Variants in RGS17 observed in about 807,000 individuals in gnomAD.
The protein encoded by RGS17 is regulator of G protein signaling 17.
A neutral mutation model predicts 25.5 loss-of-function variants in RGS17; 12 were observed. The observed-to-expected ratio is 0.47, with a 90% confidence interval of 0.30 to 0.76. The LOEUF is 0.76. Among genes scored for constraint, RGS17 ranks in the 30% least tolerant of loss-of-function variants. The pLI, the probability that RGS17 is intolerant of heterozygous loss-of-function variation, is 0.07. For synonymous variants in RGS17, 71 were observed against 76.9 expected (o/e 0.92, Z 0.40); for missense variants, 196 against 242.2 (o/e 0.81, Z 1.27).
chr6:153,103,937 A>G (rs1435024263), intron 1 of RGS17, among the ~76,000 whole-genome samples: 1 of 152,262 alleles, frequency 6.6e-6, no homozygotes, highest in South Asian at 2.1e-4. Flanking sequence ...TGAAGAGGAT[A>G]CCACATCTTA....
chr6:153,085,268 T>C lies in RGS17; in HGVS notation c.-25-41225A>G, dbSNP rs118022313. ...GCTATAACTAACGTAAATGTAATCA[T>C]TGCATAAATTTGAATTATAGCTCTT... On this transcript the variant is annotated intron_variant, in intron 1 of 4. Coordinates refer to ENST00000206262, the MANE Select transcript of RGS17 (RefSeq NM_012419.5). Among the ~76,000 whole-genome samples the C allele has an allele frequency of 6.1e-4, 93 of 152,338 alleles. 1 individual carries two copies. In the East Asian group the frequency reaches 0.018, roughly 29 times the overall value.
chr6:153,078,852 T>G (rs2129118766), intron 1 of RGS17, among the ~76,000 whole-genome samples: 1 of 152,188 alleles, frequency 6.6e-6, no homozygotes, highest in East Asian at 1.9e-4. Context: ...AGTCATTCAT[T>G]GCCAGCATAC....
rs908250720 is a variant in RGS17 at position 153,010,961 on chromosome 6, C to A, written c.*613G>T. ...AAAATGCCACAGTTTTGGCAGTGAACAACCAGAGGAATCCCCATTAGGATT... is the reference window on the plus strand; with the variant it reads ...AAAATGCCACAGTTTTGGCAGTGAAAAACCAGAGGAATCCCCATTAGGATT... On this transcript the variant is annotated 3_prime_UTR_variant, in exon 5 of 5. Coordinates refer to ENST00000206262, the MANE Select transcript of RGS17 (RefSeq NM_012419.5). 3.4e-5 allele frequency: 5 copies of A among 148,810 alleles called. No homozygotes were observed. Among genetic ancestry groups the A allele is most frequent in the Non-Finnish European group, 5.9e-5 (4 of 67,322 alleles). 9.2% of individuals were successfully genotyped at this position (148,810 alleles called of 1,614,324 possible).
intron 1 of RGS17, among the ~76,000 whole-genome samples, chr6:153,086,806 G>A (rs1777059693): frequency 2.0e-5 from 3 of 152,110 alleles, no homozygotes; most frequent in African/African-American, 4.8e-5. Flanking sequence ...TTCTCATTAT[G>A]ACTTAGCTTT....
intron 2 of RGS17, among the ~76,000 whole-genome samples, chr6:153,033,807 A>T (rs746371878): frequency 9.9e-5 from 15 of 152,200 alleles, no homozygotes; most frequent in Admixed American, 3.9e-4. Flanking sequence ...TCTCACGTTG[A>T]TTAAAATCCT....
rs553929442 is a variant in RGS17, at chr6:153,130,032, G to A, written c.-26+1092C>T. The stretch of plus-strand genomic sequence containing the variant: ...CCCAGGGACTCCCGAGGCTGGCGCG[G>A]GCTGCCCGCGACAAGGTGCCAGCAG... On this transcript the variant is annotated intron_variant, in intron 1 of 4. Transcript: ENST00000206262. The surrounding 1 kb of genome is among the most constrained non-coding windows in gnomAD (Gnocchi z 6.4). Among the ~76,000 whole-genome samples the A allele has an allele frequency of 1.5e-4, 23 of 152,222 alleles. No individual in the cohort carries two copies. The East Asian group carries it at 4.5e-3, about 30-fold the overall frequency.
chr6:153,016,408 G>A (rs1779184224), intron 4 of RGS17, among the ~76,000 whole-genome samples: 3 of 152,006 alleles, frequency 2.0e-5, no homozygotes. Context: ...AAAACTTTTT[G>A]TTTCAATAGA....
chr6:153,029,595 T>C (rs1779340474), intron 2 of RGS17, among the ~76,000 whole-genome samples: 1 of 152,056 alleles, frequency 6.6e-6, no homozygotes, highest in Admixed American at 6.5e-5. Context: ...CTTTTTCTTT[T>C]TCTTTTTTTT....
rs1298947883 is a variant in RGS17, at chr6:153,006,315, G to A, written c.*5259C>T. 3 of 152,398 alleles carry A rather than the reference G, an allele frequency of 2.0e-5. No homozygotes were observed. Among genetic ancestry groups the A allele is most frequent in the African/African-American group, 7.2e-5 (3 of 41,380 alleles). 9.4% of individuals were successfully genotyped at this position (152,398 alleles called of 1,614,324 possible). ...TAGCAAGTAATTTGATATTATTTCTGTCCTTGGGAATGTTGTTTTATTTCC... is the reference window on the plus strand; with the variant it reads ...TAGCAAGTAATTTGATATTATTTCTATCCTTGGGAATGTTGTTTTATTTCC... On this transcript the variant is annotated 3_prime_UTR_variant, in exon 5 of 5. Coordinates refer to ENST00000206262, the MANE Select transcript of RGS17 (RefSeq NM_012419.5).
At chr6:153,098,246 C>T (rs1338447933) in intron 1 of RGS17, among the ~76,000 whole-genome samples, 3 of 151,976 alleles carry the variant, frequency 2.0e-5, no homozygotes, top group Non-Finnish European at 4.4e-5. Context: ...GAGGGGGTGA[C>T]CTTAGTCAGG....
At position 153,009,871 on chromosome 6, in the gene RGS17, C is replaced by G. The variant is rs544804718; in HGVS notation, c.*1703G>C. The G allele has an allele frequency of 1.3e-5, 2 of 151,656 alleles. No individual in the cohort carries two copies. The highest frequency in any genetic ancestry group is 4.8e-5 in the African/African-American group (2 of 41,362). The allele number at this position is 151,656 out of a possible 1,614,324, so 9.4% of individuals were successfully genotyped here. On this transcript the variant is annotated 3_prime_UTR_variant, in exon 5 of 5. Coordinates refer to ENST00000206262, the MANE Select transcript of RGS17 (RefSeq NM_012419.5). ...CCCTTTTATTCATGTCTCCTGAATT[C>G]TATATAAATTAGAAAATCATACTTG... is the stretch of plus-strand genomic sequence containing the variant.
intron 3 of RGS17, among the ~76,000 whole-genome samples, chr6:153,024,721 G>T (rs1474685278): frequency 6.6e-6 from 1 of 152,146 alleles, no homozygotes; most frequent in African/African-American, 2.4e-5. Flanking sequence ...AGACATGTAG[G>T]GAGACAAGCA....
chr6:153,054,115 TG>T, intron 1 of RGS17, among the ~76,000 whole-genome samples: 1 of 63,346 alleles, frequency 1.6e-5, no homozygotes, highest in Non-Finnish European at 2.8e-5. Context: ...TATATATATG[TG>T]TATATATATA....
intron 1 of RGS17, among the ~76,000 whole-genome samples, chr6:153,044,985 A>C (rs751998417): frequency 1.3e-5 from 2 of 152,238 alleles, no homozygotes; most frequent in Non-Finnish European, 2.9e-5. Flanking sequence ...ATGTATGTAA[A>C]TCATACACAT....
intron 1 of RGS17, among the ~76,000 whole-genome samples, chr6:153,070,887 A>G (rs1289444573): frequency 6.7e-6 from 1 of 150,210 alleles, no homozygotes; most frequent in Non-Finnish European, 1.5e-5. Flanking sequence ...ATATACGCAT[A>G]TGTACATATG....
At chr6:153,112,152 T>G (rs578155294) in intron 1 of RGS17, among the ~76,000 whole-genome samples, 1 of 152,168 alleles carries the variant, frequency 6.6e-6, no homozygotes, top group Non-Finnish European at 1.5e-5. Context: ...TAAAGAAGCA[T>G]GTTCTAACCC....
At chr6:153,128,821 C>A (rs1777743363) in intron 1 of RGS17, among the ~76,000 whole-genome samples, 1 of 151,986 alleles carries the variant, frequency 6.6e-6, no homozygotes. Context: ...GCCCTACAAC[C>A]AAAGAGATAC....
intron 1 of RGS17, among the ~76,000 whole-genome samples, chr6:153,115,776 A>ACAAT (rs1280306460): frequency 2.6e-5 from 4 of 152,100 alleles, no homozygotes; most frequent in African/African-American, 9.7e-5. Flanking sequence ...TGCCACATCT[A>ACAAT]CAATCATCTG....
intron 1 of RGS17, among the ~76,000 whole-genome samples, chr6:153,075,618 G>C (rs1381193820): frequency 6.6e-6 from 1 of 152,176 alleles, no homozygotes. Flanking sequence ...AGCAGACTGA[G>C]AGTCTTCTGA....
Sources: gnomAD v4.1 joint callset for allele counts (sites outside exome capture counted in the v4.1 genomes callset) on GRCh38, gnomAD v4.1.1 for gene constraint, Gnocchi (gnomAD v3.1) non-coding constraint, MANE v1.5 for transcripts, NCBI Gene and HGNC (gene_info 2026-07-23, HGNC 2026-07-21) for gene names.